Variants in SLC25A48 observed in about 807,000 individuals in gnomAD.
SLC25A48 encodes the protein solute carrier family 25 member 48.
SLC25A48 carries 29 observed loss-of-function variants against 32.2 expected under a neutral mutation model. The observed-to-expected ratio is 0.90, with a 90% CI of 0.67 to 1.23. The LOEUF (loss-of-function observed/expected upper bound fraction) is 1.23. Among genes scored for constraint, SLC25A48 ranks in the 50% most tolerant of loss-of-function variants. The pLI is 0.00. For synonymous variants in SLC25A48, 164 were observed against 172.3 expected, an observed-to-expected ratio of 0.95 and a Z score of 0.38; for missense variants, 399 against 422.7, an observed-to-expected ratio of 0.94 and a Z score of 0.49.
chr5:135,642,515 G>A (rs1045558913), intron 3 of SLC25A48, among the ~76,000 whole-genome samples: 2 of 152,228 alleles, frequency 1.3e-5, no homozygotes, highest in African/African-American at 2.4e-5. Flanking sequence ...CCAAAGAGCC[G>A]GGTGGAAATA....
chr5:135,723,378 T>TCACACACACACACA lies in SLC25A48; in HGVS notation c.-521+88423_-521+88424insACACACACACACAC, dbSNP rs1444066866. 1.1e-3 allele frequency among the ~76,000 whole-genome samples: 61 copies of TCACACACACACACA among 54,496 alleles called. 1 individual carries two copies. The highest frequency in any genetic ancestry group is 0.014 in the Middle Eastern group (1 of 72). 35.8% of individuals were successfully genotyped at this position (54,496 alleles called of 152,430 possible). A position where few individuals can be genotyped will look rare whatever the true frequency, so the allele number is the denominator to read the frequency against. ...CTGTCTCTCACTCTCTCTCTCTCTC[T>TCACACACACACACA]CTCACACACACACACACACACACAC... On this transcript the variant is annotated intron_variant, in intron 3 of 10. Coordinates refer to the SLC25A48 transcript ENST00000646290.
intron 3 of SLC25A48, among the ~76,000 whole-genome samples, chr5:135,735,269 C>T (rs565881404): frequency 4.7e-4 from 71 of 152,270 alleles, no homozygotes; most frequent in African/African-American, 1.6e-3. Flanking sequence ...TAACTTTTCT[C>T]TATTATTGTA....
chr5:135,780,738 A>C (rs1436419320), intron 3 of SLC25A48, among the ~76,000 whole-genome samples: 1 of 115,520 alleles, frequency 8.7e-6, no homozygotes, highest in African/African-American at 2.6e-5. Context: ...TATTATACCC[A>C]AAATTGCAGG....
chr5:135,796,737 T>A (rs1271920627), intron 3 of SLC25A48, among the ~76,000 whole-genome samples: 1 of 151,720 alleles, frequency 6.6e-6, no homozygotes, highest in Non-Finnish European at 1.5e-5. Context: ...TTACTCATAG[T>A]ATTGCGGGGT....
intron 3 of SLC25A48, chr5:135,649,233 A>C (rs1160408748): frequency 6.6e-6 from 1 of 152,238 alleles, no homozygotes; most frequent in Non-Finnish European, 1.5e-5. Context: ...CTTGTGGGAT[A>C]AGATTATTTT....
chr5:135,686,244 A>G (rs1754018524), intron 3 of SLC25A48, among the ~76,000 whole-genome samples: 1 of 152,194 alleles, frequency 6.6e-6, no homozygotes, highest in Admixed American at 6.5e-5. Context: ...GAGAGGATTA[A>G]ATGGATTAAA....
At chr5:135,870,206 T>G (rs961225682) in intron 4 of SLC25A48, among the ~76,000 whole-genome samples, 2 of 152,190 alleles carry the variant, frequency 1.3e-5, no homozygotes, top group Non-Finnish European at 2.9e-5. Flanking sequence ...TAAACTCAGG[T>G]GGCAAAATAG....
chr5:135,686,488 C>G (rs1222011076), intron 3 of SLC25A48, among the ~76,000 whole-genome samples: 3 of 152,326 alleles, frequency 2.0e-5, no homozygotes, highest in Admixed American at 2.0e-4. Flanking sequence ...CTCAGTGAAG[C>G]CTTCTCTGAC....
chr5:135,776,550 C>G (rs1368571154), intron 3 of SLC25A48, among the ~76,000 whole-genome samples: 4 of 151,122 alleles, frequency 2.6e-5, no homozygotes, highest in African/African-American at 9.7e-5. Flanking sequence ...GTATGTACAC[C>G]CCTTCTGTGA....
At chr5:135,592,710 C>T (rs1342310590) in intron 1 of SLC25A48, among the ~76,000 whole-genome samples, 1 of 152,016 alleles carries the variant, frequency 6.6e-6, no homozygotes, top group Non-Finnish European at 1.5e-5. Flanking sequence ...ACAGGTGTGT[C>T]CTGAAATGGT....
intron 3 of SLC25A48, among the ~76,000 whole-genome samples, chr5:135,796,648 T>C (rs1364479651): frequency 2.0e-5 from 3 of 151,862 alleles, no homozygotes; most frequent in African/African-American, 7.3e-5. Flanking sequence ...GGGGAGATGG[T>C]GATATTACTC....
chr5:135,844,038 G>C (rs887232136), intron 2 of SLC25A48, among the ~76,000 whole-genome samples: 10 of 152,170 alleles, frequency 6.6e-5, no homozygotes, highest in Admixed American at 6.5e-4. Flanking sequence ...ACTCCCCAGG[G>C]CTGTCCAGAG....
intron 1 of SLC25A48, among the ~76,000 whole-genome samples, chr5:135,623,739 T>A (rs1462942731): frequency 1.3e-5 from 2 of 152,246 alleles, no homozygotes; most frequent in African/African-American, 4.8e-5. Context: ...ATGTTTATCA[T>A]GATTGTGGCC....
chr5:135,885,078 A>T (rs1228673587), intron 7 of SLC25A48, among the ~76,000 whole-genome samples: 1 of 152,162 alleles, frequency 6.6e-6, no homozygotes, highest in African/African-American at 2.4e-5. Flanking sequence ...CCCAGGGTAC[A>T]TCGCCAGCAG....
intron 3 of SLC25A48, among the ~76,000 whole-genome samples, chr5:135,636,370 G>A (rs1247369343): frequency 6.6e-6 from 1 of 152,206 alleles, no homozygotes; most frequent in Non-Finnish European, 1.5e-5. Context: ...CAGAGAATGT[G>A]CTTGGAGGTC....
At chr5:135,866,045 G>A (rs1034585979) in intron 4 of SLC25A48, among the ~76,000 whole-genome samples, 1 of 152,164 alleles carries the variant, frequency 6.6e-6, no homozygotes, top group Non-Finnish European at 1.5e-5. Flanking sequence ...ACTCCCACTG[G>A]CTGAGCCTTA....
intron 7 of SLC25A48, among the ~76,000 whole-genome samples, chr5:135,884,859 C>A (rs1320933416): frequency 6.7e-6 from 1 of 148,558 alleles, no homozygotes; most frequent in Non-Finnish European, 1.5e-5. Flanking sequence ...ATGCAACAAC[C>A]ACCTTCTTCA....
chr5:135,772,459 G>C (rs1170711069), intron 3 of SLC25A48, among the ~76,000 whole-genome samples: 1 of 151,588 alleles, frequency 6.6e-6, no homozygotes, highest in Non-Finnish European at 1.5e-5. Context: ...ACAGCCTTCT[G>C]TGTTATTGTT....
chr5:135,776,135 C>T (rs1756551808), intron 3 of SLC25A48, among the ~76,000 whole-genome samples: 1 of 151,670 alleles, frequency 6.6e-6, no homozygotes, highest in Non-Finnish European at 1.5e-5. Flanking sequence ...GACCATGATA[C>T]TACTACCAAT....
Sources: gnomAD v4.1 joint callset for allele counts (sites outside exome capture counted in the v4.1 genomes callset) on GRCh38, gnomAD v4.1.1 for gene constraint, MANE v1.5 for transcripts, NCBI Gene and HGNC (gene_info 2026-07-23, HGNC 2026-07-21) for gene names.